The following MCCC1 variants were observed in gnomAD, a reference collection of about 807,000 sequenced individuals.
MCCC1 encodes the protein methylcrotonyl-CoA carboxylase subunit 1, also known as methylcrotonoyl-CoA carboxylase subunit alpha, mitochondrial.
Under a neutral mutation model 83.8 loss-of-function variants are expected in MCCC1, and 64 were observed. The observed-to-expected ratio is 0.76, with a 90% CI of 0.62 to 0.94. The LOEUF is 0.94. MCCC1 is among the 40% of genes least tolerant of loss of function. The pLI is 0.00. For synonymous variants in MCCC1, 322 were observed against 315.4 expected, an observed-to-expected ratio of 1.02 and a Z score of -0.22; for missense variants, 807 against 904.7, an observed-to-expected ratio of 0.89 and a Z score of 1.39.
At chr3:183,045,630 G>T in intron 9 of MCCC1, 90 bp from the exon 10 acceptor site, 1 of 1,348,982 alleles carries the variant, frequency 7.4e-7, no homozygotes, top group Non-Finnish European at 1.1e-6. Context: ...AAGTTTTACC[G>T]CTGTCTTCAT....
At chr3:183,039,842 C>T (rs1363773781) in intron 11 of MCCC1, among the ~76,000 whole-genome samples, 1 of 152,000 alleles carries the variant, frequency 6.6e-6, no homozygotes, top group Non-Finnish European at 1.5e-5. Context: ...CACGCCTGTA[C>T]TCCCAAGACT....
intron 14 of MCCC1, among the ~76,000 whole-genome samples, chr3:183,030,206 G>T (rs1712938012): frequency 6.6e-6 from 1 of 152,190 alleles, no homozygotes; most frequent in African/African-American, 2.4e-5. Context: ...TACTTGGGAG[G>T]CTGAGGCAGG....
At chr3:183,101,238 C>T (rs1308694400), upstream of MCCC1, among the ~76,000 whole-genome samples, 3 of 152,262 alleles carry the variant, frequency 2.0e-5, no homozygotes, top group Non-Finnish European at 4.4e-5. Flanking sequence ...CCCCCTGCTC[C>T]ACGGCGCCCA....
In MCCC1 at chr3:183,041,588, T is replaced by C; in HGVS notation, c.1246A>G (p.Ile416Val). Residue 416 changes from isoleucine to valine, a missense_variant, in exon 11 of 19, where the codon ATT becomes GTT. Ile to Val is a conservative substitution (Grantham distance 29, BLOSUM62 3). Coordinates refer to ENST00000265594, the MANE Select transcript of MCCC1 (RefSeq NM_020166.5). ...STPRADPSTR[I>V]ETGVRQGDEV... ...TTACCTTGCCGTACTCCAGTTTCAA[T>C]CCTGGTGGAAGGGTCTGCTCGAGGA... 6.2e-7 allele frequency: 1 copy of C among 1,614,082 alleles called. No individual in the cohort carries two copies. The highest frequency in any genetic ancestry group is 1.3e-5 in the African/African-American group (1 of 75,054).
At chr3:183,041,839 A>C (rs1714116215) in intron 10 of MCCC1, 89 bp from the exon 11 acceptor site, 1 of 1,453,208 alleles carries the variant, frequency 6.9e-7, no homozygotes, top group East Asian at 2.3e-5. Context: ...TTTCTAGGTA[A>C]AATGTACATT....
At chr3:183,017,538 A>G in intron 17 of MCCC1, 1 of 581,130 alleles carries the variant, frequency 1.7e-6, no homozygotes, top group South Asian at 2.0e-5. Context: ...TTGGTATATA[A>G]ACTTACAGAG....
chr3:183,058,064 TAACA>T (rs1715555319), intron 7 of MCCC1, among the ~76,000 whole-genome samples: 2 of 152,184 alleles, frequency 1.3e-5, no homozygotes, highest in Admixed American at 1.3e-4. Context: ...TAGGGATACG[TAACA>T]AAAAGTACAA....
intron 4 of MCCC1, among the ~76,000 whole-genome samples, chr3:183,080,109 C>T (rs1159206293): frequency 6.6e-6 from 1 of 152,208 alleles, no homozygotes; most frequent in East Asian, 1.9e-4. Context: ...GCCCTGGAGA[C>T]ATTTTCCCCA....
rs1713899197 is a variant in MCCC1, at chr3:183,039,573, T to G, written c.1268-438A>C. Among the ~76,000 whole-genome samples, 3 of 151,858 alleles carry G rather than the reference T, an allele frequency of 2.0e-5. No individual in the cohort carries two copies. The South Asian group carries it at 6.3e-4, about 32-fold the overall frequency. On this transcript the variant is annotated intron_variant, in intron 11 of 18. Coordinates refer to ENST00000265594, the MANE Select transcript of MCCC1 (RefSeq NM_020166.5). ...TGTCCTGCAGGGTTGCTGGGAGGAG[T>G]GACAATAAAGTGACAAGTGCCATAC... is the stretch of plus-strand genomic sequence containing the variant.
intron 12 of MCCC1, among the ~76,000 whole-genome samples, chr3:183,038,085 T>C (rs917286287): frequency 2.0e-5 from 3 of 152,234 alleles, no homozygotes; most frequent in African/African-American, 7.2e-5. Context: ...TGCCAGGCTC[T>C]GATCCAGGCA....
chr3:183,020,842 G>A (rs959398734), intron 16 of MCCC1, among the ~76,000 whole-genome samples: 24 of 152,204 alleles, frequency 1.6e-4, no homozygotes, highest in South Asian at 8.3e-4. Context: ...GGCAGATCAC[G>A]AGGTCAGGGG....
At position 183,039,135 on chromosome 3, in the gene MCCC1, C is replaced by T; in HGVS notation, c.1268G>A (p.Gly423Glu). 1 of 1,614,138 alleles carries T rather than the reference C, an allele frequency of 6.2e-7. No individual in the cohort carries two copies. The highest frequency in any genetic ancestry group is 1.1e-5 in the South Asian group (1 of 91,086). ...GTCATAATGCACGGAAACTTCGTCT[C>T]CTGAAATTGAAAACCACGGTAACCT... ...STRIETGVRQ[G>E]DEVSVHYDPM... The change falls in exon 12 of 19, where the codon GGA (glycine) becomes GAA (glutamate). Residue 423 changes from glycine (G) to glutamate (E), a missense_variant and splice_region_variant. Physicochemically the swap from Gly to Glu is moderately conservative, Grantham distance 98. Transcript: ENST00000265594.
Position 183,071,074 on chromosome 3 carries a change from T to C in MCCC1, c.686A>G (p.Glu229Gly), listed in dbSNP as rs142629318. Residue 229 changes from glutamate to glycine, a missense_variant, in exon 7 of 19, where the codon GAG becomes GGG. Transcript: ENST00000265594. The stretch of plus-strand genomic sequence containing the variant: ...CTTCTTAGCTTCTCTCCGTGCTGAC[T>C]CTAACTGTTCTTGAAATTCTTGTTC... ...RSEQEFQEQL[E>G]SARREAKKSF... 4.6e-4 allele frequency: 738 copies of C among 1,614,234 alleles called. 10 individuals carry two copies. The South Asian group carries it at 7.2e-3, about 16-fold the overall frequency.
intron 9 of MCCC1, among the ~76,000 whole-genome samples, chr3:183,051,691 G>A (rs945219015): frequency 6.6e-6 from 1 of 151,538 alleles, no homozygotes; most frequent in Admixed American, 6.6e-5. Context: ...ATGTGTCAAT[G>A]TAGGGTCGCT....
intron 1 of MCCC1, among the ~76,000 whole-genome samples, chr3:183,108,148 G>A (rs1275010024): frequency 6.6e-6 from 1 of 152,160 alleles, no homozygotes; most frequent in African/African-American, 2.4e-5. Context: ...TTATGGTTAG[G>A]GCTAGCATTT....
intron 1 of MCCC1, among the ~76,000 whole-genome samples, chr3:183,109,471 C>T (rs79034531): frequency 2.9e-3 from 440 of 152,210 alleles, no homozygotes; most frequent in Non-Finnish European, 4.9e-3. Flanking sequence ...GTGTATTGAA[C>T]GTTTAGCTCC....
chr3:183,094,102 G>A (rs1258499542), intron 2 of MCCC1, among the ~76,000 whole-genome samples: 1 of 146,018 alleles, frequency 6.8e-6, no homozygotes, highest in Admixed American at 6.9e-5. Context: ...AGGCTGGAGT[G>A]CAGTGGCGAG....
At chr3:183,092,641 T>G in intron 2 of MCCC1, 96 bp from the exon 3 acceptor site, 4 of 1,513,956 alleles carry the variant, frequency 2.6e-6, no homozygotes, top group Non-Finnish European at 3.6e-6. Flanking sequence ...AGGACTCGAC[T>G]GATAAGTTCA....
At position 183,022,504 on chromosome 3, in the gene MCCC1, G is replaced by A. The variant is rs377249142; in HGVS notation, c.1782C>T (p.Asp594=). The A allele has an allele frequency of 4.3e-6, 7 of 1,613,898 alleles. No homozygotes were observed. The South Asian group carries it at 7.7e-5, about 18-fold the overall frequency. Reference sequence around the variant, plus strand: ...TAACAGAACATTTCAGGTAAGTGCAGTCTCCCTCGCTGTAAAGATTACCAA... The same window carrying A: ...TAACAGAACATTTCAGGTAAGTGCAATCTCCCTCGCTGTAAAGATTACCAA... ...QVLGNLYSEG[D]CTYLKCSVNG... The change falls in exon 16 of 19, where the codon GAC becomes GAT. Residue 594 remains aspartate (D), a synonymous_variant. Coordinates refer to ENST00000265594, the MANE Select transcript of MCCC1 (RefSeq NM_020166.5).
Sources: gnomAD v4.1 joint callset for allele counts (sites outside exome capture counted in the v4.1 genomes callset) on GRCh38, gnomAD v4.1.1 for gene constraint, MANE v1.5 for transcripts, NCBI Gene and HGNC (gene_info 2026-07-23, HGNC 2026-07-21) for gene names.